ATP6V0A2: variants seen among roughly 807,000 people sequenced by gnomAD.
ATP6V0A2 encodes the protein ATPase H+ transporting V0 subunit a2.
Under a neutral mutation model 104.4 loss-of-function variants are expected in ATP6V0A2, and 58 were observed. The ratio of observed to expected loss-of-function variants is 0.56; its 90% CI spans 0.45 to 0.69. The LOEUF (loss-of-function observed/expected upper bound fraction) is 0.69, where lower values mean the gene tolerates loss of function less well. ATP6V0A2 is among the 30% of genes least tolerant of loss of function. The pLI, the probability that ATP6V0A2 is intolerant of heterozygous loss-of-function variation, is 0.00. For missense variants in ATP6V0A2, 938 were observed against 1,062.9 expected, an observed-to-expected ratio of 0.88 and a Z score of 1.63; for synonymous variants, 376 against 397.9, an observed-to-expected ratio of 0.95 and a Z score of 0.65.
chr12:123,744,042 G>C lies in ATP6V0A2; in HGVS notation c.1189+107G>C. The C allele has an allele frequency of 6.4e-7, 1 of 1,554,308 alleles. No individual in the cohort carries two copies. Among genetic ancestry groups the C allele is most frequent in the Non-Finnish European group, 8.9e-7 (1 of 1,127,306 alleles). Reference sequence around the variant, plus strand: ...AAGAGAGGCTGACCATTACTTTTTTGCTATCTTATTTAAAAGTATAAGGTT... The same window carrying C: ...AAGAGAGGCTGACCATTACTTTTTTCCTATCTTATTTAAAAGTATAAGGTT... On this transcript the variant is annotated intron_variant, in intron 10 of 19. Transcript: ENST00000330342. The surrounding 1 kb of genome is among the most constrained non-coding windows in gnomAD (Gnocchi z 5.4).
chr12:123,726,338 G>T, intron 5 of ATP6V0A2, 53 bp downstream of exon 5: 1 of 1,277,156 alleles, frequency 7.8e-7, no homozygotes, highest in Non-Finnish European at 1.1e-6. Flanking sequence ...CTTGTAAAAG[G>T]CAGATGAGCT....
Position 123,733,991 on chromosome 12 carries a change from T to A in ATP6V0A2, c.714T>A (p.Val238=). The A allele has an allele frequency of 5.0e-6, 8 of 1,612,640 alleles. No homozygotes were observed. Among genetic ancestry groups the A allele is most frequent in the Non-Finnish European group, 5.9e-6 (7 of 1,178,772 alleles). The change falls in exon 7 of 20, where the codon GTT becomes GTA. Residue 238 remains valine (V), a synonymous_variant. Coordinates refer to ENST00000330342, the MANE Select transcript of ATP6V0A2 (RefSeq NM_012463.4). ...GGGGAGAGCAGATTGGCCACAAGGTTAAGAAGATATGTGATTGGTAAGAAA... is the reference window on the plus strand; with the variant it reads ...GGGGAGAGCAGATTGGCCACAAGGTAAAGAAGATATGTGATTGGTAAGAAA... ...SFWGEQIGHK[V]KKICDCYHCH...
At chr12:123,754,719 G>T (rs1956747362) in intron 18 of ATP6V0A2, 182 bp downstream of exon 18, 2 of 608,160 alleles carry the variant, frequency 3.3e-6, no homozygotes, top group Non-Finnish European at 5.9e-6. Flanking sequence ...TGGCTGAGGA[G>T]TGCTGTGGAA....
rs1159790045 is a variant in ATP6V0A2 at position 123,760,242 on chromosome 12, A to T, written c.*2210A>T. ...TTTCTAATTAACACCTCTTCTCAGC[A>T]TAGAGCAGAGGATGCAGTCATTTCT... On this transcript the variant is annotated 3_prime_UTR_variant, in exon 20 of 20. Transcript: ENST00000330342. 3.9e-5 allele frequency: 6 copies of T among 152,228 alleles called. No homozygotes were observed. The highest frequency in any genetic ancestry group is 8.8e-5 in the Non-Finnish European group (6 of 68,044). 9.4% of individuals were successfully genotyped at this position (152,228 alleles called of 1,614,324 possible). A position where few individuals can be genotyped will look rare whatever the true frequency, so the allele number is the denominator to read the frequency against.
chr12:123,761,340 C>A lies in ATP6V0A2; in HGVS notation c.*3308C>A, dbSNP rs1369593044. On this transcript the variant is annotated 3_prime_UTR_variant, in exon 20 of 20. Coordinates refer to ENST00000330342, the MANE Select transcript of ATP6V0A2 (RefSeq NM_012463.4). ...AAAAACAACTTCTACACCTATTCTA[C>A]AGTCCGCATTTAAAACAATAAATTC... 6.6e-6 allele frequency: 1 copy of A among 152,338 alleles called. No homozygotes were observed. The highest frequency in any genetic ancestry group is 2.1e-4 in the South Asian group (1 of 4,828). 9.4% of individuals were successfully genotyped at this position (152,338 alleles called of 1,614,324 possible). A position where few individuals can be genotyped will look rare whatever the true frequency, so the allele number is the denominator to read the frequency against.
intron 9 of ATP6V0A2, among the ~76,000 whole-genome samples, chr12:123,742,062 G>A (rs979289776): frequency 2.6e-5 from 4 of 152,174 alleles, no homozygotes; most frequent in East Asian, 1.9e-4. Flanking sequence ...TCTCCTCAGC[G>A]TGTGGCCGCT....
At chr12:123,712,981 G>T (rs796627382) in intron 1 of ATP6V0A2, among the ~76,000 whole-genome samples, 22 of 152,242 alleles carry the variant, frequency 1.4e-4, no homozygotes, top group African/African-American at 5.3e-4. Flanking sequence ...TCCCACAAAG[G>T]CCTCTTGGAG....
intron 6 of ATP6V0A2, chr12:123,733,592 C>T: frequency 2.9e-6 from 1 of 340,142 alleles, no homozygotes; most frequent in African/African-American, 2.1e-5. Context: ...GTGTGAAAAA[C>T]ATGATACCAA....
intron 3 of ATP6V0A2, 69 bp downstream of exon 3, chr12:123,722,517 T>C: frequency 1.1e-6 from 1 of 908,558 alleles, no homozygotes; most frequent in Admixed American, 1.7e-5. Context: ...TTATTTCATG[T>C]TGTCTAATGC....
In ATP6V0A2 at chr12:123,712,382, T is replaced by C. The variant is rs1046942883; in HGVS notation, c.-184T>C. ...CCTCGCGGACTGCTGTGGCGGCAGC[T>C]GGAGCGGCGGCCGCGGTGGCAGAAC... On this transcript the variant is annotated 5_prime_UTR_variant, in exon 1 of 20. Transcript: ENST00000330342. 5.6e-6 allele frequency: 2 copies of C among 360,300 alleles called. No homozygotes were observed. Among genetic ancestry groups the C allele is most frequent in the Non-Finnish European group, 9.8e-6 (2 of 204,338 alleles). The allele number at this position is 360,300 out of a possible 1,614,324, so 22.3% of individuals were successfully genotyped here.
intron 9 of ATP6V0A2, chr12:123,737,684 A>G (rs547398497): frequency 3.6e-6 from 1 of 274,998 alleles, no homozygotes; most frequent in Non-Finnish European, 7.1e-6. Flanking sequence ...AGAGTATGAA[A>G]GACACAGTGC....
At chr12:123,757,843 AT>A (rs530511817) in intron 19 of ATP6V0A2, 83 bp from the exon 20 acceptor site, 14,674 of 689,780 alleles carry the variant, frequency 0.021, 3 homozygotes, top group Middle Eastern at 0.03. Flanking sequence ...CAGCACAGGA[AT>A]TTTTTTTTTT....
chr12:123,723,012 G>C (rs1448404305), intron 3 of ATP6V0A2, among the ~76,000 whole-genome samples: 1 of 152,194 alleles, frequency 6.6e-6, no homozygotes, highest in Non-Finnish European at 1.5e-5. Context: ...ACACTCACCT[G>C]TGCTGCTTAT....
At chr12:123,716,219 A>C (rs1472271182) in intron 1 of ATP6V0A2, among the ~76,000 whole-genome samples, 1 of 151,976 alleles carries the variant, frequency 6.6e-6, no homozygotes, top group Non-Finnish European at 1.5e-5. Flanking sequence ...GGCGCGCGCC[A>C]CCACGCCTGG....
rs913063026 is a variant in ATP6V0A2, at chr12:123,744,906, C to A, written c.1539C>A (p.Ser513Arg). Residue 513 changes from serine (S) to arginine (R), a missense_variant, in exon 13 of 20, where the codon AGC becomes AGA. Transcript: ENST00000330342. This position sits in a 1 kb window ranked among gnomAD's most constrained non-coding sequence, Gnocchi z 5.4. ...LWNDSVVRHN[S>R]ILQLDPSIPG... ...GTGACAGCGTCGTTAGACACAACAGCATTTTGCAGCTGGATCCAAGCATTC... is the reference window on the plus strand; with the variant it reads ...GTGACAGCGTCGTTAGACACAACAGAATTTTGCAGCTGGATCCAAGCATTC... 1 of 1,614,198 alleles carries A rather than the reference C, an allele frequency of 6.2e-7. No individual in the cohort carries two copies. Among genetic ancestry groups the A allele is most frequent in the Admixed American group, 1.7e-5 (1 of 60,008 alleles).
Position 123,712,714 on chromosome 12 carries a change from C to A in ATP6V0A2, c.117+32C>A, listed in dbSNP as rs748648508. ...GTCGCCCGGGAGACGCGGGCCGCAC[C>A]TGCTCTCCTGGCGCCCCCAATCCCG... On this transcript the variant is annotated intron_variant, in intron 1 of 19. Transcript: ENST00000330342. The A allele has an allele frequency of 8.9e-6, 14 of 1,567,368 alleles. No individual in the cohort carries two copies. The Admixed American group carries it at 2.4e-4, about 26-fold the overall frequency.
intron 17 of ATP6V0A2, among the ~76,000 whole-genome samples, chr12:123,753,066 C>T (rs540697197): frequency 5.8e-4 from 88 of 151,700 alleles, no homozygotes; most frequent in African/African-American, 1.9e-3. Context: ...TACGAGTGAC[C>T]GCTGCCTCAG....
At chr12:123,717,446 C>CT (rs58386561) in intron 1 of ATP6V0A2, among the ~76,000 whole-genome samples, 117 of 140,946 alleles carry the variant, frequency 8.3e-4, no homozygotes, top group African/African-American at 1.8e-3. Flanking sequence ...TTCTTTCTTT[C>CT]TTTTTTTTTT....
chr12:123,724,326 C>A, intron 3 of ATP6V0A2: 1 of 269,350 alleles, frequency 3.7e-6, no homozygotes, highest in Non-Finnish European at 7.2e-6. Context: ...GAGTTCAAGA[C>A]CAGCCTGGCC....
Sources: gnomAD v4.1 joint callset for allele counts (sites outside exome capture counted in the v4.1 genomes callset) on GRCh38, gnomAD v4.1.1 for gene constraint, Gnocchi (gnomAD v3.1) non-coding constraint, MANE v1.5 for transcripts, NCBI Gene and HGNC (gene_info 2026-07-23, HGNC 2026-07-21) for gene names.